The following PRKD1 variants were observed in gnomAD, a reference collection of about 807,000 sequenced individuals.
PRKD1 encodes the protein protein kinase D1.
In PRKD1, 63 loss-of-function variants were observed where a neutral mutation model predicts 95.9. The observed-to-expected ratio is 0.66, with a 90% CI of 0.54 to 0.81. PRKD1 has a LOEUF of 0.81. Among genes scored for constraint, PRKD1 ranks in the 30% least tolerant of loss-of-function variants. PRKD1 has a pLI of 0.00. For synonymous variants in PRKD1, 425 were observed against 423.1 expected (o/e 1.00, Z -0.05); for missense variants, 1,048 against 1,165.3 (o/e 0.90, Z 1.47).
chr14:29,699,168 T>C (rs529176475), intron 2 of PRKD1, among the ~76,000 whole-genome samples: 1 of 152,342 alleles, frequency 6.6e-6, no homozygotes, highest in South Asian at 2.1e-4. Context: ...TGAAAGTATT[T>C]CTAAAGAGTA....
intron 1 of PRKD1, among the ~76,000 whole-genome samples, chr14:29,882,318 T>G (rs1893541707): frequency 6.6e-6 from 1 of 152,236 alleles, no homozygotes; most frequent in Admixed American, 6.5e-5. Context: ...CCACTGAAAC[T>G]TAACCAATGT....
rs187325398 is a variant in PRKD1 at position 29,897,481 on chromosome 14, G to C, written c.264+29768C>G. ...TGTTTTGTAGAACTGTGATCCAGTG[G>C]AAAAGCAAGTGTTTTGGAGCAAACA... On this transcript the variant is annotated intron_variant, in intron 1 of 17. Coordinates refer to ENST00000331968, the MANE Select transcript of PRKD1 (RefSeq NM_002742.3). Among the ~76,000 whole-genome samples the C allele has an allele frequency of 2.7e-3, 413 of 152,232 alleles. 1 individual carries two copies. The highest frequency in any genetic ancestry group is 9.3e-3 in the African/African-American group (387 of 41,542).
At chr14:29,858,030 T>G (rs1323758873) in intron 1 of PRKD1, among the ~76,000 whole-genome samples, 1 of 152,220 alleles carries the variant, frequency 6.6e-6, no homozygotes, top group East Asian at 1.9e-4. Context: ...GTTTAACTTT[T>G]TTTGTATGAG....
chr14:29,722,034 A>C (rs1021436315), intron 2 of PRKD1, among the ~76,000 whole-genome samples: 1 of 152,114 alleles, frequency 6.6e-6, no homozygotes, highest in Non-Finnish European at 1.5e-5. Flanking sequence ...AAGAAAAAAA[A>C]AAATCTTGAT....
chr14:29,728,023 G>C lies in PRKD1; in HGVS notation c.265-2349C>G, dbSNP rs1038960739. Among the ~76,000 whole-genome samples, 8 of 151,948 alleles carry C rather than the reference G, an allele frequency of 5.3e-5. No homozygotes were observed. In the East Asian group the frequency reaches 9.7e-4, roughly 19 times the overall value. On this transcript the variant is annotated intron_variant, in intron 1 of 17. Transcript: ENST00000331968. Reference sequence around the variant, plus strand: ...TGGGGACTGTTGTGGGGTGGGGCGAGGGGGGAGGGATAGCATTGGGAGATA... The same window carrying C: ...TGGGGACTGTTGTGGGGTGGGGCGACGGGGGAGGGATAGCATTGGGAGATA...
chr14:29,912,615 T>G (rs1894755753), intron 1 of PRKD1, among the ~76,000 whole-genome samples: 1 of 152,254 alleles, frequency 6.6e-6, no homozygotes, highest in African/African-American at 2.4e-5. Context: ...CATTCCTATT[T>G]TGGGACAACC....
At chr14:29,827,648 A>G (rs1205217983) in intron 1 of PRKD1, among the ~76,000 whole-genome samples, 16 of 152,172 alleles carry the variant, frequency 1.1e-4, no homozygotes, top group Admixed American at 1.0e-3. Context: ...ATGGTGATTC[A>G]TTTGCACATT....
intron 4 of PRKD1, among the ~76,000 whole-genome samples, chr14:29,642,984 T>G (rs1880889345): frequency 6.6e-6 from 1 of 152,106 alleles, no homozygotes; most frequent in Admixed American, 6.5e-5. Flanking sequence ...TCTGCTTCAT[T>G]AATATGTTCA....
At chr14:29,777,525 C>T (rs1281191044) in intron 1 of PRKD1, among the ~76,000 whole-genome samples, 4 of 152,054 alleles carry the variant, frequency 2.6e-5, no homozygotes, top group East Asian at 1.9e-4. Context: ...TTTAAACCAA[C>T]AAAGATCAAA....
intron 1 of PRKD1, among the ~76,000 whole-genome samples, chr14:29,849,297 G>C (rs952516196): frequency 3.3e-5 from 5 of 152,094 alleles, no homozygotes; most frequent in Admixed American, 2.6e-4. Flanking sequence ...CACCATAATT[G>C]TAAGTTTCCT....
At chr14:29,861,984 A>G (rs1037242482) in intron 1 of PRKD1, among the ~76,000 whole-genome samples, 1 of 152,020 alleles carries the variant, frequency 6.6e-6, no homozygotes, top group Non-Finnish European at 1.5e-5. Flanking sequence ...CATTCTAACT[A>G]TTCTTTTGTA....
intron 1 of PRKD1, among the ~76,000 whole-genome samples, chr14:29,780,978 T>C (rs1373135029): frequency 6.6e-6 from 1 of 152,134 alleles, no homozygotes; most frequent in African/African-American, 2.4e-5. Flanking sequence ...GATGAGTTCA[T>C]GTCCTTTGTA....
chr14:29,838,146 T>C (rs1891683199), intron 1 of PRKD1, among the ~76,000 whole-genome samples: 1 of 152,208 alleles, frequency 6.6e-6, no homozygotes, highest in Non-Finnish European at 1.5e-5. Context: ...CTGATTTTTA[T>C]AATACCTTTA....
intron 1 of PRKD1, among the ~76,000 whole-genome samples, chr14:29,797,778 A>G (rs895810147): frequency 1.3e-5 from 2 of 152,246 alleles, no homozygotes; most frequent in African/African-American, 4.8e-5. Context: ...CATGACTTAC[A>G]AGTGGTGCCC....
intron 15 of PRKD1, 26 bp from the exon 16 acceptor site, chr14:29,597,784 T>A: frequency 6.3e-7 from 1 of 1,594,408 alleles, no homozygotes; most frequent in Non-Finnish European, 8.5e-7. Flanking sequence ...TTTGCAGAAA[T>A]ACTCCGTTCA....
At chr14:29,766,693 A>C (rs147549126) in intron 1 of PRKD1, among the ~76,000 whole-genome samples, 39 of 152,320 alleles carry the variant, frequency 2.6e-4, no homozygotes, top group African/African-American at 8.7e-4. Context: ...ACCAAATATG[A>C]TCCAATTCAT....
chr14:29,847,642 A>T (rs1004070649), intron 1 of PRKD1, among the ~76,000 whole-genome samples: 5 of 152,220 alleles, frequency 3.3e-5, no homozygotes, highest in Non-Finnish European at 7.3e-5. Flanking sequence ...GGATTCAGTT[A>T]TGCTCAAACA....
chr14:29,636,331 T>C lies in PRKD1; in HGVS notation c.1149A>G (p.Gln383=), dbSNP rs751495737. The C allele has an allele frequency of 1.9e-6, 3 of 1,614,198 alleles. No homozygotes were observed. Among genetic ancestry groups the C allele is most frequent in the Admixed American group, 3.3e-5 (2 of 60,030 alleles). The change falls in exon 7 of 18, where the codon CAA becomes CAG. Residue 383 remains glutamine, a synonymous_variant. Coordinates refer to ENST00000331968, the MANE Select transcript of PRKD1 (RefSeq NM_002742.3). The part of the protein sequence containing the change: ...AECQNDSGEM[Q]DPDPDHEDAN... ...CGTCCTCGTGGTCTGGGTCTGGATC[T>C]TGCATCTCGCCACTGTCGTTCTGGC...
intron 2 of PRKD1, among the ~76,000 whole-genome samples, chr14:29,704,285 T>C (rs976553839): frequency 6.6e-6 from 1 of 152,052 alleles, no homozygotes; most frequent in South Asian, 2.1e-4. Flanking sequence ...GAGAAAAATA[T>C]AAAATAAGGG....
Sources: gnomAD v4.1 joint callset for allele counts (sites outside exome capture counted in the v4.1 genomes callset) on GRCh38, gnomAD v4.1.1 for gene constraint, MANE v1.5 for transcripts, NCBI Gene and HGNC (gene_info 2026-07-23, HGNC 2026-07-21) for gene names.